GABRA6: variants seen among roughly 807,000 people sequenced by gnomAD.
The protein encoded by GABRA6 is gamma-aminobutyric acid type A receptor subunit alpha6.
A neutral mutation model predicts 47.3 loss-of-function variants in GABRA6; 45 were observed. The observed-to-expected ratio is 0.95, with a 90% CI of 0.75 to 1.22. The LOEUF (loss-of-function observed/expected upper bound fraction) is 1.22. Among genes scored for constraint, GABRA6 ranks in the 50% most tolerant of loss-of-function variants. The pLI is 0.00. For synonymous variants in GABRA6, 219 were observed against 194.7 expected (o/e 1.12, Z -1.04); for missense variants, 583 against 549.3 (o/e 1.06, Z -0.61).
At chr5:161,687,924 C>T (rs981124822) in intron 3 of GABRA6, among the ~76,000 whole-genome samples, 8 of 150,934 alleles carry the variant, frequency 5.3e-5, no homozygotes, top group Non-Finnish European at 1.2e-4. Context: ...AGATAATTAT[C>T]TTACTATATA....
At chr5:161,701,374 G>A (rs1754977305) in intron 8 of GABRA6, 124 bp from the exon 9 acceptor site, 4 of 1,042,840 alleles carry the variant, frequency 3.8e-6, no homozygotes, top group South Asian at 1.3e-5. Flanking sequence ...ATTCATTGAT[G>A]TTTGACCTTA....
At chr5:161,700,569 G>A (rs1169945582) in intron 8 of GABRA6, among the ~76,000 whole-genome samples, 3 of 152,204 alleles carry the variant, frequency 2.0e-5, no homozygotes, top group African/African-American at 7.2e-5. Flanking sequence ...AACAGGCACT[G>A]AAATTGACCA....
chr5:161,689,345 C>A lies in GABRA6; in HGVS notation c.529+9C>A, dbSNP rs1324053798. 1 of 1,610,734 alleles carries A rather than the reference C, an allele frequency of 6.2e-7. No individual in the cohort carries two copies. Among genetic ancestry groups the A allele is most frequent in the Admixed American group, 1.7e-5 (1 of 60,000 alleles). The stretch of plus-strand genomic sequence containing the variant: ...ACTCAAGTTTGGGAGCTGTAAGTTA[C>A]AACAGGCTTCTGAGAGTCAAATAAT... On this transcript the variant is annotated intron_variant, in intron 5 of 8. Coordinates refer to ENST00000274545, the MANE Select transcript of GABRA6 (RefSeq NM_000811.3).
At chr5:161,688,635 T>A (rs1001136032) in intron 3 of GABRA6, among the ~76,000 whole-genome samples, 1 of 152,162 alleles carries the variant, frequency 6.6e-6, no homozygotes, top group Non-Finnish European at 1.5e-5. Context: ...ATTTCCATAT[T>A]TTTTTTCTAG....
In GABRA6 at chr5:161,692,168, G is replaced by A; in HGVS notation, c.1054G>A (p.Ala352Thr). The stretch of plus-strand genomic sequence containing the variant: ...CCCACCCACAGTGACAATATCAAAA[G>A]CTACTGAACCTTTGGAAGCTGAGAT... ...AAPPTVTISK[A>T]TEPLEAEIVL... is the part of the protein sequence containing the mutation. The change falls in exon 8 of 9, where the codon GCT becomes ACT. Residue 352 changes from alanine (A) to threonine (T), a missense_variant. By Grantham distance (58) the Ala-to-Thr change is moderately conservative (BLOSUM62 0). Coordinates refer to ENST00000274545, the MANE Select transcript of GABRA6 (RefSeq NM_000811.3). The A allele has an allele frequency of 6.2e-7, 1 of 1,614,160 alleles. No individual in the cohort carries two copies. The highest frequency in any genetic ancestry group is 1.3e-5 in the African/African-American group (1 of 75,028).
intron 8 of GABRA6, among the ~76,000 whole-genome samples, chr5:161,699,656 G>A (rs1754944861): frequency 6.6e-6 from 1 of 151,430 alleles, no homozygotes; most frequent in Non-Finnish European, 1.5e-5. Flanking sequence ...TAGAGACGGG[G>A]TTTCACCATG....
intron 8 of GABRA6, among the ~76,000 whole-genome samples, chr5:161,699,650 G>A (rs555568106): frequency 4.9e-4 from 74 of 150,556 alleles, no homozygotes; most frequent in African/African-American, 1.6e-3. Context: ...TTCTAATAGA[G>A]ACGGGGTTTC....
chr5:161,690,875 T>C (rs1029566587), intron 7 of GABRA6, among the ~76,000 whole-genome samples: 7 of 152,176 alleles, frequency 4.6e-5, no homozygotes, highest in African/African-American at 1.7e-4. Context: ...GAAACATCAG[T>C]GACACATTCC....
chr5:161,689,965 G>A, intron 6 of GABRA6, 186 bp downstream of exon 6: 1 of 694,004 alleles, frequency 1.4e-6, no homozygotes, highest in Non-Finnish European at 2.4e-6. Context: ...TGTAATCTTG[G>A]AATAAGTAGT....
At chr5:161,696,836 T>C (rs1022894851) in intron 8 of GABRA6, among the ~76,000 whole-genome samples, 1 of 152,140 alleles carries the variant, frequency 6.6e-6, no homozygotes, top group South Asian at 2.1e-4. Context: ...CAATACTGTT[T>C]TCAAAAAAAT....
intron 3 of GABRA6, chr5:161,687,667 T>A: frequency 3.0e-6 from 1 of 328,508 alleles, no homozygotes; most frequent in South Asian, 2.5e-5. Flanking sequence ...AGTGTAAATA[T>A]GAATGCTGAA....
At chr5:161,686,158 T>A in intron 1 of GABRA6, 72 bp from the exon 2 acceptor site, 1 of 1,388,544 alleles carries the variant, frequency 7.2e-7, no homozygotes, top group South Asian at 1.2e-5. Context: ...TGTAACAGGG[T>A]GGAATAGAGT....
intron 7 of GABRA6, among the ~76,000 whole-genome samples, chr5:161,690,630 A>G (rs903256858): frequency 1.3e-5 from 2 of 152,142 alleles, no homozygotes; most frequent in African/African-American, 4.8e-5. Context: ...CTTTGTCATA[A>G]CTGAGGAAAA....
chr5:161,689,887 T>G, intron 6 of GABRA6, 108 bp downstream of exon 6: 1 of 1,252,816 alleles, frequency 8.0e-7, no homozygotes. Context: ...CAGCTAAGCA[T>G]GCTGTTTTGC....
intron 8 of GABRA6, among the ~76,000 whole-genome samples, chr5:161,700,345 G>T (rs999282630): frequency 6.6e-6 from 1 of 152,174 alleles, no homozygotes. Flanking sequence ...AATATCAGGG[G>T]TAATGCACAG....
In GABRA6 at chr5:161,701,627, C is replaced by T. The variant is rs1275060364; in HGVS notation, c.1216C>T (p.Pro406Ser). 1.2e-6 allele frequency: 2 copies of T among 1,614,158 alleles called. No individual in the cohort carries two copies. Among genetic ancestry groups the T allele is most frequent in the Non-Finnish European group, 1.7e-6 (2 of 1,180,020 alleles). Reference sequence around the variant, plus strand: ...ACAATCAACACCTGTCACACCCCCACCACTCTCGCCAGCCTTTGGAGGCAC... The same window carrying T: ...ACAATCAACACCTGTCACACCCCCATCACTCTCGCCAGCCTTTGGAGGCAC... ...ILQSTPVTPP[P>S]LSPAFGGTSK... is the part of the protein sequence containing the mutation. The change falls in exon 9 of 9, where the codon CCA (proline) becomes TCA (serine). Residue 406 changes from proline to serine, a missense_variant. By Grantham distance (74) the Pro-to-Ser change is moderately conservative. Transcript: ENST00000274545.
intron 8 of GABRA6, among the ~76,000 whole-genome samples, chr5:161,693,331 C>T (rs1385783268): frequency 2.0e-5 from 3 of 151,704 alleles, no homozygotes; most frequent in Non-Finnish European, 4.4e-5. Context: ...AGAGGCATCC[C>T]CATAATATGT....
Position 161,685,994 on chromosome 5 carries a change from C to T in GABRA6, c.5C>T (p.Ala2Val), listed in dbSNP as rs761561088. ...TGCATTTCAGTGCACTGCAGGATGG[C>T]GTCGTCTCTGCCCTGGCTGTGCATT... is the stretch of plus-strand genomic sequence containing the variant. The part of the protein sequence containing the change: M[A>V]SSLPWLCIIL... The change falls in exon 1 of 9, where the codon GCG becomes GTG. Residue 2 changes from alanine (A) to valine (V), a missense_variant. By Grantham distance (64) the Ala-to-Val change is moderately conservative. Coordinates refer to ENST00000274545, the MANE Select transcript of GABRA6 (RefSeq NM_000811.3). 34 of 1,613,528 alleles carry T rather than the reference C, an allele frequency of 2.1e-5. No individual in the cohort carries two copies. Among genetic ancestry groups the T allele is most frequent in the African/African-American group, 1.2e-4 (9 of 74,900 alleles).
chr5:161,686,023 C>A lies in GABRA6; in HGVS notation c.34C>A (p.Leu12Met), dbSNP rs749514674. The change falls in exon 1 of 9, where the codon CTG (leucine) becomes ATG (methionine). Residue 12 changes from leucine (L) to methionine (M), a missense_variant. Coordinates refer to ENST00000274545, the MANE Select transcript of GABRA6 (RefSeq NM_000811.3). ...GTCTCTGCCCTGGCTGTGCATTATT[C>A]TGTGGTGAGTAAGATCCTTTTTCCT... The part of the protein sequence containing the change: ...ASSLPWLCII[L>M]WLENALGKLE... The A allele has an allele frequency of 3.1e-6, 5 of 1,613,648 alleles. No individual in the cohort carries two copies. The highest frequency in any genetic ancestry group is 4.2e-6 in the Non-Finnish European group (5 of 1,179,606).
Sources: allele counts gnomAD v4.1 joint callset (sites outside exome capture counted in the v4.1 genomes callset), GRCh38; gene constraint gnomAD v4.1.1; transcripts MANE v1.5; gene names NCBI Gene and HGNC (gene_info 2026-07-23, HGNC 2026-07-21).